Variants in WFS1 observed in about 807,000 individuals in gnomAD.
WFS1 encodes the protein wolframin.
A neutral mutation model predicts 68.5 loss-of-function variants in WFS1; 90 were observed. The observed-to-expected ratio is 1.31, with a 90% CI of 1.11 to 1.56. WFS1 has a LOEUF of 1.56. Among genes scored for constraint, WFS1 ranks in the 40% most tolerant of loss-of-function variants. WFS1 has a pLI of 0.00. For missense variants in WFS1, 1,767 were observed against 1,232.6 expected, an observed-to-expected ratio of 1.43 and a Z score of -6.49; for synonymous variants, 860 against 540.7, an observed-to-expected ratio of 1.59 and a Z score of -8.19.
intron 1 of WFS1, among the ~76,000 whole-genome samples, chr4:6,276,179 G>T (rs1049479328): frequency 1.3e-5 from 2 of 152,184 alleles, no homozygotes; most frequent in African/African-American, 4.8e-5. Flanking sequence ...GCCTCACACA[G>T]CAGCAGGTTC....
chr4:6,301,760 G>C lies in WFS1; in HGVS notation c.1965G>C (p.Glu655Asp), dbSNP rs1452508606. 1 of 1,613,726 alleles carries C rather than the reference G, an allele frequency of 6.2e-7. No homozygotes were observed. The highest frequency in any genetic ancestry group is 1.7e-5 in the Admixed American group (1 of 60,030). The change falls in exon 8 of 8, where the codon GAG becomes GAC. Residue 655 changes from glutamate to aspartate, a missense_variant. Transcript: ENST00000226760. ...LFCWFYVYRS[E>D]GMKVYNSTLT... ...GCTGGTTCTATGTGTACCGCTCAGA[G>C]GGCATGAAGGTCTACAACTCCACAC...
In WFS1 at chr4:6,300,661, T is replaced by C; in HGVS notation, c.866T>C (p.Val289Ala). The C allele has an allele frequency of 6.2e-7, 1 of 1,613,814 alleles. No homozygotes were observed. The highest frequency in any genetic ancestry group is 8.5e-7 in the Non-Finnish European group (1 of 1,179,914). Residue 289 changes from valine to alanine, a missense_variant, in exon 8 of 8, where the codon GTC becomes GCC. Physicochemically the swap from Val to Ala is moderately conservative, Grantham distance 64. Transcript: ENST00000226760. ...CACGTACCATCTTTCCCCCAGGTGG[T>C]CAAGTACCCCCTGCACGCCATCATG... Reference protein sequence around the residue: ...PEDLPLRLKVVKYPLHAIMEI... With the variant: ...PEDLPLRLKVAKYPLHAIMEI...
chr4:6,293,832 A>T (rs1304507068), intron 6 of WFS1, among the ~76,000 whole-genome samples: 1 of 152,164 alleles, frequency 6.6e-6, no homozygotes, highest in Non-Finnish European at 1.5e-5. Flanking sequence ...CTCGTGTGTC[A>T]GACGCCGTCC....
Position 6,287,208 on chromosome 4 carries a change from A to T in WFS1, c.315+33A>T. 6.5e-7 allele frequency: 1 copy of T among 1,540,200 alleles called. No homozygotes were observed. Among genetic ancestry groups the T allele is most frequent in the Non-Finnish European group, 8.8e-7 (1 of 1,137,932 alleles). On this transcript the variant is annotated intron_variant, in intron 3 of 7. Transcript: ENST00000226760. This position sits in a 1 kb window ranked among gnomAD's most constrained non-coding sequence, Gnocchi z 6.4. ...CTGCGGTGCCGGCAGGGACTTCGGG[A>T]CGCGGCCCCCGGCACAACAGGCCTG... is the stretch of plus-strand genomic sequence containing the variant.
intron 2 of WFS1, among the ~76,000 whole-genome samples, chr4:6,284,604 G>A (rs1015392698): frequency 6.6e-6 from 1 of 151,954 alleles, no homozygotes; most frequent in Non-Finnish European, 1.5e-5. Context: ...AGGTGCTGGC[G>A]TTGTGGTGGG....
intron 6 of WFS1, 125 bp from the exon 7 acceptor site, chr4:6,294,916 C>G: frequency 6.5e-7 from 1 of 1,529,496 alleles, no homozygotes. Flanking sequence ...GTTTCCTCCA[C>G]CTGAACCCAC....
chr4:6,298,948 C>T (rs1730738935), intron 7 of WFS1, among the ~76,000 whole-genome samples: 1 of 152,236 alleles, frequency 6.6e-6, no homozygotes, highest in South Asian at 2.1e-4. Context: ...TGTCATGTAG[C>T]CCCTCAGTGG....
At position 6,301,808 on chromosome 4, in the gene WFS1, G is replaced by T. The variant is rs147262416; in HGVS notation, c.2013G>T (p.Ala671=). 3 of 1,613,060 alleles carry T rather than the reference G, an allele frequency of 1.9e-6. No homozygotes were observed. The highest frequency in any genetic ancestry group is 2.5e-6 in the Non-Finnish European group (3 of 1,180,040). Residue 671 remains alanine, a synonymous_variant, in exon 8 of 8, where the codon GCG becomes GCT. Coordinates refer to ENST00000226760, the MANE Select transcript of WFS1 (RefSeq NM_006005.3). The part of the protein sequence containing the change: ...NSTLTWQQYG[A]LCGPRAWKET... ...CACTGACCTGGCAGCAGTATGGTGC[G>T]CTGTGCGGGCCACGCGCCTGGAAGG...
chr4:6,289,503 C>T (rs1211177977), intron 4 of WFS1, among the ~76,000 whole-genome samples: 1 of 152,242 alleles, frequency 6.6e-6, no homozygotes, highest in Non-Finnish European at 1.5e-5. Flanking sequence ...GGCCCATGCC[C>T]CTGAGCTGAT....
rs727503752 is a variant in WFS1 at position 6,302,088 on chromosome 4, T to C, written c.2293T>C (p.Cys765Arg). The C allele has an allele frequency of 6.2e-7, 1 of 1,612,858 alleles. No homozygotes were observed. The highest frequency in any genetic ancestry group is 8.5e-7 in the Non-Finnish European group (1 of 1,180,006). The change falls in exon 8 of 8, where the codon TGC becomes CGC. Residue 765 changes from cysteine (C) to arginine (R), a missense_variant. Transcript: ENST00000226760. ...CCTTAAGCTGCTGGCCAAGCACCCC[T>C]GCCACATCAAGAAGTTCGACCGCTA... ...CRLKLLAKHP[C>R]HIKKFDRYKF...
chr4:6,291,837 G>A, intron 5 of WFS1, 80 bp from the exon 6 acceptor site: 2 of 1,458,266 alleles, frequency 1.4e-6, no homozygotes, highest in East Asian at 2.5e-5. Flanking sequence ...CCTAGGAACA[G>A]TGCGCCAGTT....
At chr4:6,294,426 G>A (rs909759688) in intron 6 of WFS1, among the ~76,000 whole-genome samples, 11 of 152,082 alleles carry the variant, frequency 7.2e-5, no homozygotes, top group African/African-American at 2.4e-4. Context: ...TTGAATGGAC[G>A]GGTTAGCAGG....
At chr4:6,292,184 G>T (rs754120536) in intron 6 of WFS1, among the ~76,000 whole-genome samples, 187 bp downstream of exon 6, 2 of 152,190 alleles carry the variant, frequency 1.3e-5, no homozygotes, top group South Asian at 4.1e-4. Flanking sequence ...CAGGCGGTCC[G>T]TTTGGGGCTC....
At position 6,302,823 on chromosome 4, in the gene WFS1, CTCTTTCT is replaced by C. The variant is rs1364507799; in HGVS notation, c.*357_*363del. On this transcript the variant is annotated 3_prime_UTR_variant, in exon 8 of 8. Transcript: ENST00000226760. ...CCCCCACCTTCAAGCACCCTGTTCC[CTCTTTCT>C]TTCTTTTGTGTTGGATTTGTTTAAA... 5.3e-6 allele frequency: 2 copies of C among 375,208 alleles called. No individual in the cohort carries two copies. The highest frequency in any genetic ancestry group is 1.1e-4 in the East Asian group (2 of 18,604). 23.2% of individuals were successfully genotyped at this position (375,208 alleles called of 1,614,324 possible).
intron 1 of WFS1, among the ~76,000 whole-genome samples, chr4:6,273,122 G>A (rs192588661): frequency 1.4e-3 from 209 of 152,340 alleles, no homozygotes; most frequent in African/African-American, 4.9e-3. Flanking sequence ...GGGAGATGGG[G>A]TTGCCCCCCC....
intron 2 of WFS1, among the ~76,000 whole-genome samples, chr4:6,284,672 C>T (rs1251229728): frequency 1.3e-5 from 2 of 151,732 alleles, no homozygotes; most frequent in Non-Finnish European, 2.9e-5. Flanking sequence ...GAGAAAGCCT[C>T]CTCTTGTGAA....
At chr4:6,277,407 G>A in intron 1 of WFS1, 44 bp from the exon 2 acceptor site, 1 of 1,531,502 alleles carries the variant, frequency 6.5e-7, no homozygotes, top group South Asian at 1.2e-5. Flanking sequence ...GCCAGAGCGG[G>A]CTCTGCCGGT....
chr4:6,300,182 T>C (rs970157841), intron 7 of WFS1, among the ~76,000 whole-genome samples: 1 of 152,132 alleles, frequency 6.6e-6, no homozygotes, highest in Non-Finnish European at 1.5e-5. Flanking sequence ...CTTCTCCTCC[T>C]CGTAAGGATC....
chr4:6,278,739 C>T (rs983473588), intron 2 of WFS1, among the ~76,000 whole-genome samples: 2 of 152,242 alleles, frequency 1.3e-5, no homozygotes, highest in Admixed American at 6.5e-5. Context: ...TGGAAACTCA[C>T]TGCAGCCCTG....
Sources: gnomAD v4.1 joint callset for allele counts (sites outside exome capture counted in the v4.1 genomes callset) on GRCh38, gnomAD v4.1.1 for gene constraint, Gnocchi (gnomAD v3.1) non-coding constraint, MANE v1.5 for transcripts, NCBI Gene and HGNC (gene_info 2026-07-23, HGNC 2026-07-21) for gene names.